The following NEBL variants were observed in gnomAD, a reference collection of about 807,000 sequenced individuals.
NEBL encodes the protein LIM and SH3 protein 2.
NEBL carries 122 observed loss-of-function variants against 140.2 expected under a neutral mutation model. The ratio of observed to expected loss-of-function variants is 0.87; its 90% confidence interval spans 0.75 to 1.01. The LOEUF is 1.01. Ranked by LOEUF, NEBL falls within the 50% of genes least tolerant of loss-of-function variation. NEBL has a pLI of 0.00. For missense variants in NEBL, 1,365 were observed against 1,231.3 expected (o/e 1.11, Z -1.62); for synonymous variants, 436 against 398.9 (o/e 1.09, Z -1.11).
chr10:21,108,967 C>A (rs1362995164), intron 2 of NEBL, among the ~76,000 whole-genome samples: 1 of 152,176 alleles, frequency 6.6e-6, no homozygotes, highest in Admixed American at 6.5e-5. Flanking sequence ...GACTTCCTCT[C>A]TTCCTATTGG....
At chr10:21,227,756 C>CT (rs1392852426) in intron 3 of NEBL, among the ~76,000 whole-genome samples, 6 of 139,918 alleles carry the variant, frequency 4.3e-5, no homozygotes, top group African/African-American at 1.7e-4. Flanking sequence ...TCTTCTTCTT[C>CT]TTCTTCTTCT....
chr10:21,017,666 C>A (rs1838609125), intron 3 of NEBL, among the ~76,000 whole-genome samples: 1 of 152,144 alleles, frequency 6.6e-6, no homozygotes, highest in Non-Finnish European at 1.5e-5. Context: ...GCACTGAAGG[C>A]ATCTATAACC....
intron 3 of NEBL, among the ~76,000 whole-genome samples, chr10:21,010,350 T>A (rs1471254667): frequency 6.6e-6 from 1 of 152,046 alleles, no homozygotes; most frequent in African/African-American, 2.4e-5. Flanking sequence ...GCTCAAGCGA[T>A]CCTCCTACAT....
chr10:21,190,460 T>C (rs11599538), intron 3 of NEBL, among the ~76,000 whole-genome samples: 78 of 151,992 alleles, frequency 5.1e-4, no homozygotes, highest in Non-Finnish European at 9.4e-4. Context: ...CTCCAGCCTG[T>C]GCGACAGAGC....
At chr10:21,263,630 C>T (rs562087752) in intron 1 of NEBL, among the ~76,000 whole-genome samples, 1 of 152,162 alleles carries the variant, frequency 6.6e-6, no homozygotes, top group Admixed American at 6.6e-5. Context: ...AAGCTAAATT[C>T]TTCCCATAGT....
chr10:21,055,030 T>C (rs1834948289), intron 2 of NEBL, among the ~76,000 whole-genome samples: 1 of 152,220 alleles, frequency 6.6e-6, no homozygotes, highest in African/African-American at 2.4e-5. Context: ...GATGAACTTC[T>C]ACCCTGAAGA....
At chr10:20,831,143 T>C (rs571362407) in intron 16 of NEBL, 53 bp downstream of exon 16, 2 of 1,232,846 alleles carry the variant, frequency 1.6e-6, no homozygotes, top group African/African-American at 3.0e-5. Context: ...ACAAAGCACA[T>C]GGCAACATGA....
At position 20,896,978 on chromosome 10, in the gene NEBL, A is replaced by G; in HGVS notation, c.133T>C (p.Cys45Arg). The change falls in exon 2 of 28, where the codon TGC becomes CGC. Residue 45 changes from cysteine (C) to arginine (R), a missense_variant. Transcript: ENST00000377122. ...CTTACATCGCTAATGAGTTCCGTGCATTTTCTGGCCAATTCCATGCTTAAG... is the reference window on the plus strand; with the variant it reads ...CTTACATCGCTAATGAGTTCCGTGCGTTTTCTGGCCAATTCCATGCTTAAG... ...EDLSMELARK[C>R]TELISDIRYK... The G allele has an allele frequency of 6.2e-7, 1 of 1,614,030 alleles. No individual in the cohort carries two copies. Among genetic ancestry groups the G allele is most frequent in the South Asian group, 1.1e-5 (1 of 91,076 alleles).
chr10:20,949,300 A>T (rs1394721801), intron 4 of NEBL, among the ~76,000 whole-genome samples: 1 of 151,974 alleles, frequency 6.6e-6, no homozygotes. Flanking sequence ...CTGTTGGGGG[A>T]TGGGGGAAAA....
rs376255795 is a variant in NEBL at position 20,962,200 on chromosome 10, T to C, written c.250-421A>G. Among the ~76,000 whole-genome samples the C allele has an allele frequency of 2.0e-5, 3 of 152,330 alleles. No homozygotes were observed. In the East Asian group the frequency reaches 5.8e-4, roughly 29 times the overall value. ...GAAAGAAAATGTAGAAAAAGAAAGC[T>C]AAATCTTCTTCTCCTCCTGTGCCCG... On this transcript the variant is annotated intron_variant, in intron 3 of 6. Transcript: ENST00000417816.
intron 8 of NEBL, 79 bp from the exon 9 acceptor site, chr10:20,858,423 T>C (rs748200483): frequency 4.4e-5 from 53 of 1,207,272 alleles, no homozygotes; most frequent in Non-Finnish European, 5.1e-5. Context: ...TTTTCATACA[T>C]CATAAAGTAG....
intron 2 of NEBL, among the ~76,000 whole-genome samples, chr10:21,083,004 C>T (rs2131941836): frequency 6.6e-6 from 1 of 152,278 alleles, no homozygotes; most frequent in African/African-American, 2.4e-5. Flanking sequence ...TCAGTTGATC[C>T]ACCCAACTCA....
At chr10:21,136,848 CAT>C (rs1839378716) in intron 2 of NEBL, among the ~76,000 whole-genome samples, 2 of 152,208 alleles carry the variant, frequency 1.3e-5, no homozygotes, top group African/African-American at 4.8e-5. Flanking sequence ...AAATGACTGA[CAT>C]AACTTCTTAC....
chr10:21,104,792 CA>C (rs1332278546), intron 2 of NEBL, among the ~76,000 whole-genome samples: 3 of 152,194 alleles, frequency 2.0e-5, no homozygotes, highest in African/African-American at 7.2e-5. Flanking sequence ...CAAACATCCT[CA>C]CCCTGTTCCT....
At position 20,783,267 on chromosome 10, in the gene NEBL, A is replaced by G. The variant is rs1835148306; in HGVS notation, c.*2480T>C. The G allele has an allele frequency of 6.6e-6, 1 of 152,180 alleles. No individual in the cohort carries two copies. Among genetic ancestry groups the G allele is most frequent in the Non-Finnish European group, 1.5e-5 (1 of 68,034 alleles). The allele number at this position is 152,180 out of a possible 1,614,324, so 9.4% of individuals were successfully genotyped here. A position where few individuals can be genotyped will look rare whatever the true frequency, so the allele number is the denominator to read the frequency against. ...TCCTGAGATGCTTAACATCCTGACA[A>G]GCTTTATTAACAACTGCCAACACTA... On this transcript the variant is annotated 3_prime_UTR_variant, in exon 28 of 28. Transcript: ENST00000377122.
intron 9 of NEBL, among the ~76,000 whole-genome samples, chr10:20,857,391 G>A (rs1172313869): frequency 6.6e-6 from 1 of 152,066 alleles, no homozygotes; most frequent in Non-Finnish European, 1.5e-5. Flanking sequence ...TTTTTCTCAT[G>A]TCTTCCCCAA....
chr10:21,196,979 G>A (rs941231941), intron 3 of NEBL, among the ~76,000 whole-genome samples: 1 of 152,132 alleles, frequency 6.6e-6, no homozygotes, highest in African/African-American at 2.4e-5. Context: ...TTTCTCGGAT[G>A]TTATTTCGTT....
chr10:21,238,280 T>C (rs927792854), intron 3 of NEBL, among the ~76,000 whole-genome samples: 4 of 152,258 alleles, frequency 2.6e-5, no homozygotes, highest in African/African-American at 4.8e-5. Flanking sequence ...ATTTTATAGA[T>C]TGACAATTAT....
chr10:20,817,791 T>C, intron 20 of NEBL, 99 bp from the exon 21 acceptor site: 1 of 985,118 alleles, frequency 1.0e-6, no homozygotes, highest in East Asian at 2.4e-5. Flanking sequence ...TTTTTACACA[T>C]TTTTTTCCAC....
Sources: allele counts gnomAD v4.1 joint callset (sites outside exome capture counted in the v4.1 genomes callset), GRCh38; gene constraint gnomAD v4.1.1; transcripts MANE v1.5; gene names NCBI Gene and HGNC (gene_info 2026-07-23, HGNC 2026-07-21).